The following STAC variants were observed in gnomAD, a reference collection of about 807,000 sequenced individuals.
The protein encoded by STAC is SH3 and cysteine-rich domain-containing protein.
A neutral mutation model predicts 48.8 loss-of-function variants in STAC; 43 were observed. The observed-to-expected ratio is 0.88, with a 90% CI of 0.69 to 1.14. The LOEUF (loss-of-function observed/expected upper bound fraction) is 1.14, where lower values mean the gene tolerates loss of function less well. Ranked by LOEUF, STAC falls within the 50% of genes most tolerant of loss-of-function variation. STAC has a pLI of 0.00. For missense variants in STAC, 497 were observed against 504.0 expected (o/e 0.99, Z 0.13); for synonymous variants, 193 against 179.5 (o/e 1.07, Z -0.60).
intron 2 of STAC, among the ~76,000 whole-genome samples, chr3:36,460,598 A>G (rs1420278359): frequency 6.6e-6 from 1 of 152,178 alleles, no homozygotes; most frequent in East Asian, 1.9e-4. Context: ...TAGTGGGTAG[A>G]GGCCAGGGAT....
chr3:36,538,160 T>C (rs1699242104), intron 10 of STAC, among the ~76,000 whole-genome samples: 1 of 152,138 alleles, frequency 6.6e-6, no homozygotes, highest in Non-Finnish European at 1.5e-5. Context: ...TTTAGTTTCC[T>C]AACATTTAAA....
At chr3:36,529,708 T>C (rs1699020258) in intron 10 of STAC, among the ~76,000 whole-genome samples, 1 of 152,212 alleles carries the variant, frequency 6.6e-6, no homozygotes, top group Non-Finnish European at 1.5e-5. Context: ...TTTAGCTCTC[T>C]GGCCTACTCT....
intron 2 of STAC, among the ~76,000 whole-genome samples, chr3:36,464,411 G>A (rs905952303): frequency 6.7e-6 from 1 of 149,756 alleles, no homozygotes. Flanking sequence ...TGTAGATTCT[G>A]GACATTAGCA....
At position 36,473,293 on chromosome 3, in the gene STAC, G is replaced by A. The variant is rs569728885; in HGVS notation, c.389-9699G>A. Among the ~76,000 whole-genome samples, 6 of 152,232 alleles carry A rather than the reference G, an allele frequency of 3.9e-5. No individual in the cohort carries two copies. In the East Asian group the frequency reaches 1.2e-3, roughly 29 times the overall value. On this transcript the variant is annotated intron_variant, in intron 2 of 10. Coordinates refer to ENST00000273183, the MANE Select transcript of STAC (RefSeq NM_003149.3). Reference sequence around the variant, plus strand: ...ACAATTCAAGTTGAGATTTGGGTGGGGGCACAGGCAAACCATATAGCCTGT... The same window carrying A: ...ACAATTCAAGTTGAGATTTGGGTGGAGGCACAGGCAAACCATATAGCCTGT...
intron 2 of STAC, among the ~76,000 whole-genome samples, chr3:36,467,769 A>AT (rs1247775579): frequency 1.3e-5 from 2 of 151,644 alleles, no homozygotes; most frequent in Non-Finnish European, 2.9e-5. Flanking sequence ...AATTTTATTT[A>AT]TTTTTTCAAA....
chr3:36,545,064 C>T (rs1468940161), intron 10 of STAC, among the ~76,000 whole-genome samples: 1 of 152,178 alleles, frequency 6.6e-6, no homozygotes, highest in East Asian at 1.9e-4. Context: ...TTGCTCAGAT[C>T]CCTTTCACCA....
At chr3:36,473,870 A>G (rs2125693513) in intron 2 of STAC, among the ~76,000 whole-genome samples, 1 of 152,340 alleles carries the variant, frequency 6.6e-6, no homozygotes, top group Non-Finnish European at 1.5e-5. Context: ...TGTTTTTATT[A>G]AATAAGGACT....
intron 5 of STAC, among the ~76,000 whole-genome samples, chr3:36,487,171 T>C (rs1188598934): frequency 1.3e-5 from 2 of 152,178 alleles, no homozygotes; most frequent in African/African-American, 4.8e-5. Flanking sequence ...GCTTCCTCAT[T>C]GGGTGCAGGT....
At chr3:36,543,974 C>T (rs1289678668) in intron 10 of STAC, among the ~76,000 whole-genome samples, 1 of 152,276 alleles carries the variant, frequency 6.6e-6, no homozygotes, top group East Asian at 1.9e-4. Flanking sequence ...CCAGCATACT[C>T]AAAGGGCGGG....
At chr3:36,414,581 C>G (rs1184648291) in intron 1 of STAC, among the ~76,000 whole-genome samples, 1 of 152,104 alleles carries the variant, frequency 6.6e-6, no homozygotes, top group African/African-American at 2.4e-5. Context: ...TTCATCTAAT[C>G]TTTTTTCAAG....
At chr3:36,493,286 C>A in intron 6 of STAC, 57 bp downstream of exon 6, 1 of 1,545,944 alleles carries the variant, frequency 6.5e-7, no homozygotes, top group Non-Finnish European at 8.9e-7. Flanking sequence ...GGTCAGTGGG[C>A]AGGCCAAGTT....
intron 8 of STAC, among the ~76,000 whole-genome samples, chr3:36,506,767 T>C (rs1251796639): frequency 1.3e-5 from 2 of 152,242 alleles, no homozygotes; most frequent in East Asian, 1.9e-4. Context: ...TTTTTGCACA[T>C]TGATTTTGAA....
intron 2 of STAC, among the ~76,000 whole-genome samples, chr3:36,479,808 G>T (rs563368198): frequency 6.6e-6 from 1 of 152,324 alleles, no homozygotes; most frequent in East Asian, 1.9e-4. Context: ...TTGTGATGGG[G>T]ATCACTAGTG....
chr3:36,393,859 C>T (rs1248256928), intron 1 of STAC, among the ~76,000 whole-genome samples: 1 of 151,910 alleles, frequency 6.6e-6, no homozygotes, highest in South Asian at 2.1e-4. Flanking sequence ...TACAACAGCT[C>T]AAACTCTCTA....
At chr3:36,498,255 G>C (rs1424324880) in intron 6 of STAC, among the ~76,000 whole-genome samples, 1 of 152,066 alleles carries the variant, frequency 6.6e-6, no homozygotes, top group Non-Finnish European at 1.5e-5. Flanking sequence ...ATAGAACTTC[G>C]AGAATTTTTT....
intron 2 of STAC, among the ~76,000 whole-genome samples, chr3:36,469,792 G>T (rs898070499): frequency 6.6e-6 from 1 of 151,428 alleles, no homozygotes; most frequent in Non-Finnish European, 1.5e-5. Flanking sequence ...TTTCTTTGAT[G>T]GATTGGGTTA....
Position 36,380,710 on chromosome 3 carries a change from G to T in STAC, c.67G>T (p.Glu23Ter). The change falls in exon 1 of 11, where the codon GAG (glutamate) becomes TAG (stop). Residue 23 changes from glutamate to a stop codon, truncating the protein, a stop_gained. Coordinates refer to ENST00000273183, the MANE Select transcript of STAC (RefSeq NM_003149.3). LOFTEE classifies it high-confidence loss of function. ...DGLPKEAVGA[E>*]QPPSPASTSS... ...GCTGCCCAAGGAGGCGGTGGGCGCC[G>T]AGCAACCGCCCTCTCCTGCATCCAC... is the stretch of plus-strand genomic sequence containing the variant. 6.2e-7 allele frequency: 1 copy of T among 1,611,756 alleles called. No individual in the cohort carries two copies. Among genetic ancestry groups the T allele is most frequent in the South Asian group, 1.1e-5 (1 of 90,728 alleles).
intron 1 of STAC, among the ~76,000 whole-genome samples, chr3:36,398,640 A>AAGAAAGAAAG: frequency 8.5e-6 from 1 of 117,688 alleles, no homozygotes; most frequent in South Asian, 2.7e-4. Context: ...GAGAGAAAGA[A>AAGAAAGAAAG]AGAAAGAAAG....
chr3:36,393,523 A>G (rs1699794779), intron 1 of STAC, among the ~76,000 whole-genome samples: 1 of 151,904 alleles, frequency 6.6e-6, no homozygotes, highest in African/African-American at 2.4e-5. Flanking sequence ...TGGGCTGAAT[A>G]TGTGTGCCCT....
Sources: allele counts gnomAD v4.1 joint callset (sites outside exome capture counted in the v4.1 genomes callset), GRCh38; gene constraint gnomAD v4.1.1; transcripts MANE v1.5; gene names NCBI Gene and HGNC (gene_info 2026-07-23, HGNC 2026-07-21).